KRTAP4-4: variants seen among roughly 807,000 people sequenced by gnomAD.
The protein encoded by KRTAP4-4 is keratin-associated protein 4-4.
For missense variants in KRTAP4-4, 186 were observed against 206.9 expected (o/e 0.90, Z 0.62); for synonymous variants, 88 against 76.4 (o/e 1.15, Z -0.79).
At position 41,160,150 on chromosome 17, in the gene KRTAP4-4, C is replaced by A; in HGVS notation, c.*41G>T. 6.2e-7 allele frequency: 1 copy of A among 1,604,338 alleles called. No individual in the cohort carries two copies. The highest frequency in any genetic ancestry group is 1.1e-5 in the South Asian group (1 of 89,462). On this transcript the variant is annotated 3_prime_UTR_variant, in exon 1 of 1. Transcript: ENST00000390661. ...GCTGGAAATGCAATAGCTGGGGTGG[C>A]AGCAGGTGGTCCTGTAGCAGGTGGT...
At position 41,160,524 on chromosome 17, in the gene KRTAP4-4, G is replaced by A. The variant is rs1294855638; in HGVS notation, c.168C>T (p.Cys56=). 7.4e-6 allele frequency: 12 copies of A among 1,613,256 alleles called. No homozygotes were observed. In the African/African-American group the frequency reaches 1.2e-4, roughly 16 times the overall value. ...AGCTGGGGTGGCAGCAGGTGGTCCT[G>A]CAGCAGGTGGTCTGGCAGCACTGGG... The part of the protein sequence containing the change: ...CRPQCCQTTC[C]RTTCCHPSCC... The change falls in exon 1 of 1, where the codon TGC becomes TGT. Residue 56 remains cysteine, a synonymous_variant. Transcript: ENST00000390661.
rs1456011418 is a variant in KRTAP4-4, at chr17:41,160,641, T to C, written c.51A>G (p.Leu17=). The change falls in exon 1 of 1, where the codon CTA becomes CTG. Residue 17 remains leucine, a synonymous_variant. Transcript: ENST00000390661. ...AGTAGCTGGGACGGCAGCAGTTCTC[T>C]AGGCCACAGCCCTGGTCAGAGCACA... The part of the protein sequence containing the change: ...GSVCSDQGCG[L]ENCCRPSYCQ... The C allele has an allele frequency of 2.5e-6, 4 of 1,613,848 alleles. No individual in the cohort carries two copies. The highest frequency in any genetic ancestry group is 3.4e-6 in the Non-Finnish European group (4 of 1,179,844).
At position 41,160,747 on chromosome 17, in the gene KRTAP4-4, T is replaced by C. The variant is rs1313854842; in HGVS notation, c.-56A>G. 1 of 1,569,864 alleles carries C rather than the reference T, an allele frequency of 6.4e-7. No homozygotes were observed. Among genetic ancestry groups the C allele is most frequent in the Non-Finnish European group, 8.6e-7 (1 of 1,157,006 alleles). ...TTCCAGGAAGGAGGGTTTGGAAGGC[T>C]TGGAAGTCTCCTTGCCCCAGATCCT... On this transcript the variant is annotated 5_prime_UTR_variant, in exon 1 of 1. Coordinates refer to ENST00000390661, the MANE Select transcript of KRTAP4-4 (RefSeq NM_032524.2).
Position 41,160,593 on chromosome 17 carries a change from G to A in KRTAP4-4, c.99C>T (p.Thr33=). The change falls in exon 1 of 1, where the codon ACC becomes ACT. Residue 33 remains threonine, a synonymous_variant. Transcript: ENST00000390661. ...PSYCQTTCCR[T]TCCRPSCCVS... is the part of the protein sequence containing the mutation. Reference sequence around the variant, plus strand: ...CACAGCAGCTGGGGCGGCAGCAGGTGGTCCTGCAGCAGGTGGTCTGGCAGT... The same window carrying A: ...CACAGCAGCTGGGGCGGCAGCAGGTAGTCCTGCAGCAGGTGGTCTGGCAGT... 1 of 1,613,752 alleles carries A rather than the reference G, an allele frequency of 6.2e-7. No individual in the cohort carries two copies. The highest frequency in any genetic ancestry group is 2.2e-5 in the East Asian group (1 of 44,852).
rs1254274466 is a variant in KRTAP4-4, at chr17:41,159,852, T to A, written c.*339A>T. 6 of 418,740 alleles carry A rather than the reference T, an allele frequency of 1.4e-5. No homozygotes were observed. The highest frequency in any genetic ancestry group is 2.6e-5 in the Non-Finnish European group (6 of 229,838). The allele number at this position is 418,740 out of a possible 1,614,324, so 25.9% of individuals were successfully genotyped here. On this transcript the variant is annotated 3_prime_UTR_variant, in exon 1 of 1. Transcript: ENST00000390661. ...GCATATATTTGGAGGCCAGATTCAA[T>A]CTAAGAATTGGTTGGAACTGAAGTT...
chr17:41,159,958 T>A lies in KRTAP4-4; in HGVS notation c.*233A>T. ...TTGATGAGAATCTGGTGAGTCCAGA[T>A]GACAGCCTCAGCAGCAAGAAGCACT... On this transcript the variant is annotated 3_prime_UTR_variant, in exon 1 of 1. Coordinates refer to ENST00000390661, the MANE Select transcript of KRTAP4-4 (RefSeq NM_032524.2). 1.5e-6 allele frequency: 1 copy of A among 677,246 alleles called. No homozygotes were observed. Among genetic ancestry groups the A allele is most frequent in the South Asian group, 1.9e-5 (1 of 53,008 alleles). The allele number at this position is 677,246 out of a possible 1,614,324, so 42.0% of individuals were successfully genotyped here.
chr17:41,160,010 T>C lies in KRTAP4-4; in HGVS notation c.*181A>G. ...GAGCAGGTTGGGCGGCAGCACATGG[T>C]CTGGCAGCAGTTGGGGCGGCAGCAA... On this transcript the variant is annotated 3_prime_UTR_variant, in exon 1 of 1. Transcript: ENST00000390661. 1.9e-6 allele frequency: 2 copies of C among 1,031,720 alleles called. No individual in the cohort carries two copies. Among genetic ancestry groups the C allele is most frequent in the Non-Finnish European group, 2.9e-6 (2 of 696,848 alleles). 63.9% of individuals were successfully genotyped at this position (1,031,720 alleles called of 1,614,324 possible). A position where few individuals can be genotyped will look rare whatever the true frequency, so the allele number is the denominator to read the frequency against.
rs1167983389 is a variant in KRTAP4-4, at chr17:41,160,703, G to A, written c.-12C>T. On this transcript the variant is annotated 5_prime_UTR_variant, in exon 1 of 1. Coordinates refer to ENST00000390661, the MANE Select transcript of KRTAP4-4 (RefSeq NM_032524.2). ...CAGGAGTTGACCATGGTGTCAGAGG[G>A]TGGAGGTTCTGGGTGGGTTTCCAGG... 4.4e-6 allele frequency: 7 copies of A among 1,600,172 alleles called. No individual in the cohort carries two copies. The highest frequency in any genetic ancestry group is 1.1e-5 in the South Asian group (1 of 88,900).
rs2143981933 is a variant in KRTAP4-4 at position 41,159,854 on chromosome 17, T to C, written c.*337A>G. 2.4e-6 allele frequency: 1 copy of C among 423,674 alleles called. No homozygotes were observed. Among genetic ancestry groups the C allele is most frequent in the East Asian group, 4.4e-5 (1 of 22,804 alleles). The allele number at this position is 423,674 out of a possible 1,614,324, so 26.2% of individuals were successfully genotyped here. A position where few individuals can be genotyped will look rare whatever the true frequency, so the allele number is the denominator to read the frequency against. On this transcript the variant is annotated 3_prime_UTR_variant, in exon 1 of 1. Transcript: ENST00000390661. ...ATATATTTGGAGGCCAGATTCAATC[T>C]AAGAATTGGTTGGAACTGAAGTTTT...
At position 41,160,659 on chromosome 17, in the gene KRTAP4-4, A is replaced by G. The variant is rs2014960672; in HGVS notation, c.33T>C (p.Ser11=). Residue 11 remains serine (S), a synonymous_variant, in exon 1 of 1, where the codon TCT becomes TCC. Coordinates refer to ENST00000390661, the MANE Select transcript of KRTAP4-4 (RefSeq NM_032524.2). The part of the protein sequence containing the change: MVNSCCGSVC[S]DQGCGLENCC... ...AGTTCTCTAGGCCACAGCCCTGGTCAGAGCACACAGAGCCACAACAGGAGT... is the reference window on the plus strand; with the variant it reads ...AGTTCTCTAGGCCACAGCCCTGGTCGGAGCACACAGAGCCACAACAGGAGT... The G allele has an allele frequency of 6.2e-7, 1 of 1,612,946 alleles. No individual in the cohort carries two copies. The highest frequency in any genetic ancestry group is 8.5e-7 in the Non-Finnish European group (1 of 1,179,318).
chr17:41,160,458 A>G lies in KRTAP4-4; in HGVS notation c.234T>C (p.Ser78=). 6.2e-7 allele frequency: 1 copy of G among 1,608,698 alleles called. No homozygotes were observed. Among genetic ancestry groups the G allele is most frequent in the South Asian group, 1.1e-5 (1 of 90,840 alleles). The change falls in exon 1 of 1, where the codon TCT becomes TCC. Residue 78 remains serine (S), a synonymous_variant. Transcript: ENST00000390661. ...SSCCRPQCCQ[S]VCCQPTCCRP... is the part of the protein sequence containing the mutation. ...TGCAGCAGGTGGGCTGGCAGCACACAGACTGGCAGCACTGGGGTCTGCAGC... is the reference window on the plus strand; with the variant it reads ...TGCAGCAGGTGGGCTGGCAGCACACGGACTGGCAGCACTGGGGTCTGCAGC...
rs777897084 is a variant in KRTAP4-4, at chr17:41,160,215, A to G, written c.477T>C (p.His159=). The G allele has an allele frequency of 2.4e-5, 38 of 1,609,428 alleles. No homozygotes were observed. The African/African-American group carries it at 2.5e-4, about 10-fold the overall frequency. ...SCCVSRCYRP[H]CGQSLCC ...GCTAGCAGCATAGAGACTGGCCACA[A>G]TGGGGCCTGTAGCACCTGGACACAC... Residue 159 remains histidine (H), a synonymous_variant, in exon 1 of 1, where the codon CAT becomes CAC. Coordinates refer to ENST00000390661, the MANE Select transcript of KRTAP4-4 (RefSeq NM_032524.2).
rs1488811287 is a variant in KRTAP4-4, at chr17:41,160,496, A to C, written c.196T>G (p.Cys66Gly). The change falls in exon 1 of 1, where the codon TGT becomes GGT. Residue 66 changes from cysteine to glycine, a missense_variant. By Grantham distance (159) the Cys-to-Gly change is radical (BLOSUM62 -3). Transcript: ENST00000390661. ...TGGGGTCTGCAGCAGCTGGACACAC[A>C]GCAGCTGGGGTGGCAGCAGGTGGTC... Reference protein sequence around the residue: ...CRTTCCHPSCCVSSCCRPQCC... With the variant: ...CRTTCCHPSCGVSSCCRPQCC... 8 of 1,613,216 alleles carry C rather than the reference A, an allele frequency of 5.0e-6. No homozygotes were observed. Among genetic ancestry groups the C allele is most frequent in the Non-Finnish European group, 6.8e-6 (8 of 1,179,800 alleles).
rs2014959303 is a variant in KRTAP4-4, at chr17:41,160,609, G to A, written c.83C>T (p.Thr28Ile). Residue 28 changes from threonine to isoleucine, a missense_variant, in exon 1 of 1, where the codon ACC (threonine) becomes ATC (isoleucine). Thr to Ile is a moderately conservative substitution (Grantham distance 89). Transcript: ENST00000390661. ...ENCCRPSYCQTTCCRTTCCRP... is the reference protein window; with the variant it reads ...ENCCRPSYCQITCCRTTCCRP... ...GCAGCAGGTGGTCCTGCAGCAGGTGGTCTGGCAGTAGCTGGGACGGCAGCA... is the reference window on the plus strand; with the variant it reads ...GCAGCAGGTGGTCCTGCAGCAGGTGATCTGGCAGTAGCTGGGACGGCAGCA... 1.2e-6 allele frequency: 2 copies of A among 1,601,148 alleles called. No individual in the cohort carries two copies. The highest frequency in any genetic ancestry group is 4.5e-5 in the East Asian group (2 of 44,884).
In KRTAP4-4 at chr17:41,159,909, G is replaced by T; in HGVS notation, c.*282C>A. The T allele has an allele frequency of 3.4e-6, 2 of 581,012 alleles. No individual in the cohort carries two copies. Among genetic ancestry groups the T allele is most frequent in the East Asian group, 3.0e-5 (1 of 32,892 alleles). 36.0% of individuals were successfully genotyped at this position (581,012 alleles called of 1,614,324 possible). A position where few individuals can be genotyped will look rare whatever the true frequency, so the allele number is the denominator to read the frequency against. ...CTAGCTTCCCATAACTCAGCTCATA[G>T]ATGAGCTACATCAAGAATGCTGGTT... On this transcript the variant is annotated 3_prime_UTR_variant, in exon 1 of 1. Transcript: ENST00000390661.
At position 41,160,149 on chromosome 17, in the gene KRTAP4-4, G is replaced by T. The variant is rs1188216959; in HGVS notation, c.*42C>A. On this transcript the variant is annotated 3_prime_UTR_variant, in exon 1 of 1. Transcript: ENST00000390661. The stretch of plus-strand genomic sequence containing the variant: ...AGCTGGAAATGCAATAGCTGGGGTG[G>T]CAGCAGGTGGTCCTGTAGCAGGTGG... 6.2e-7 allele frequency: 1 copy of T among 1,604,052 alleles called. No homozygotes were observed. Among genetic ancestry groups the T allele is most frequent in the Non-Finnish European group, 8.5e-7 (1 of 1,174,254 alleles).
chr17:41,159,907 T>C lies in KRTAP4-4; in HGVS notation c.*284A>G, dbSNP rs950246921. 1.9e-5 allele frequency: 11 copies of C among 577,262 alleles called. No individual in the cohort carries two copies. Among genetic ancestry groups the C allele is most frequent in the Middle Eastern group, 4.6e-4 (1 of 2,156 alleles). 35.8% of individuals were successfully genotyped at this position (577,262 alleles called of 1,614,324 possible). A position where few individuals can be genotyped will look rare whatever the true frequency, so the allele number is the denominator to read the frequency against. ...AACTAGCTTCCCATAACTCAGCTCA[T>C]AGATGAGCTACATCAAGAATGCTGG... On this transcript the variant is annotated 3_prime_UTR_variant, in exon 1 of 1. Transcript: ENST00000390661.
At position 41,160,063 on chromosome 17, in the gene KRTAP4-4, C is replaced by A. The variant is rs545982805; in HGVS notation, c.*128G>T. 3 of 1,431,878 alleles carry A rather than the reference C, an allele frequency of 2.1e-6. No homozygotes were observed. The highest frequency in any genetic ancestry group is 4.0e-5 in the Admixed American group (2 of 49,456). 88.7% of individuals were successfully genotyped at this position (1,431,878 alleles called of 1,614,324 possible). A position where few individuals can be genotyped will look rare whatever the true frequency, so the allele number is the denominator to read the frequency against. Reference sequence around the variant, plus strand: ...GGAGATGCAGCAGGAGAGCCTGCAGCAGCTGAAGCCACAGCAGGAGGAGCT... The same window carrying A: ...GGAGATGCAGCAGGAGAGCCTGCAGAAGCTGAAGCCACAGCAGGAGGAGCT... On this transcript the variant is annotated 3_prime_UTR_variant, in exon 1 of 1. Coordinates refer to ENST00000390661, the MANE Select transcript of KRTAP4-4 (RefSeq NM_032524.2).
In KRTAP4-4 at chr17:41,160,200, T is replaced by G. The variant is rs2143982630; in HGVS notation, c.492A>C (p.Leu164=). 1 of 1,596,378 alleles carries G rather than the reference T, an allele frequency of 6.3e-7. No homozygotes were observed. The highest frequency in any genetic ancestry group is 1.1e-5 in the South Asian group (1 of 90,324). ...TTTGCCAGCAGATGGGCTAGCAGCA[T>G]AGAGACTGGCCACAATGGGGCCTGT... ...RCYRPHCGQS[L]CC The change falls in exon 1 of 1, where the codon CTA becomes CTC. Residue 164 remains leucine (L), a synonymous_variant. Coordinates refer to ENST00000390661, the MANE Select transcript of KRTAP4-4 (RefSeq NM_032524.2).
Sources: allele counts gnomAD v4.1 joint callset, GRCh38; gene constraint gnomAD v4.1.1; transcripts MANE v1.5; gene names NCBI Gene and HGNC (gene_info 2026-07-23, HGNC 2026-07-21).